The following RABL3 variants were observed in gnomAD, a reference collection of about 807,000 sequenced individuals.
The protein encoded by RABL3 is rab-like protein 3.
Under a neutral mutation model 31.8 loss-of-function variants are expected in RABL3, and 31 were observed. The observed-to-expected ratio is 0.97, with a 90% confidence interval of 0.73 to 1.31. The LOEUF (loss-of-function observed/expected upper bound fraction) is 1.31, where lower values mean the gene tolerates loss of function less well. Ranked by LOEUF, RABL3 falls within the 40% of genes most tolerant of loss-of-function variation. The pLI is 0.00. For missense variants in RABL3, 263 were observed against 279.6 expected (o/e 0.94, Z 0.42); for synonymous variants, 97 against 99.9 (o/e 0.97, Z 0.18).
intron 2 of RABL3, among the ~76,000 whole-genome samples, chr3:120,718,400 T>C (rs1025301804): frequency 6.6e-6 from 1 of 152,158 alleles, no homozygotes; most frequent in Non-Finnish European, 1.5e-5. Flanking sequence ...TATACTCCCC[T>C]CCCTCCTTGT....
intron 1 of RABL3, among the ~76,000 whole-genome samples, chr3:120,739,696 T>C (rs1709019088): frequency 6.6e-6 from 1 of 152,218 alleles, no homozygotes; most frequent in Admixed American, 6.5e-5. Context: ...TATTTGTCAT[T>C]GAATTTACTG....
At chr3:120,704,217 T>C (rs536133368) in intron 4 of RABL3, among the ~76,000 whole-genome samples, 2 of 152,152 alleles carry the variant, frequency 1.3e-5, no homozygotes, top group Admixed American at 6.5e-5. Flanking sequence ...GACCAAGGAA[T>C]GGAAGGCTGG....
chr3:120,731,943 T>C (rs1488423125), intron 1 of RABL3, among the ~76,000 whole-genome samples: 2 of 151,950 alleles, frequency 1.3e-5, no homozygotes, highest in African/African-American at 4.8e-5. Context: ...TCTGTAGTCC[T>C]AGCTACTCAG....
intron 2 of RABL3, among the ~76,000 whole-genome samples, chr3:120,726,784 TA>T (rs903409286): frequency 6.6e-5 from 10 of 150,714 alleles, no homozygotes; most frequent in Admixed American, 2.6e-4. Flanking sequence ...AATAAAACAA[TA>T]AAAAAAACTG....
chr3:120,702,023 A>C (rs1274738370), intron 4 of RABL3, among the ~76,000 whole-genome samples: 1 of 152,194 alleles, frequency 6.6e-6, no homozygotes, highest in African/African-American at 2.4e-5. Context: ...TTAAAACCCA[A>C]AAGTGTGAAC....
chr3:120,742,493 A>C lies in RABL3; in HGVS notation c.15T>G (p.Asp5Glu). 1 of 1,614,160 alleles carries C rather than the reference A, an allele frequency of 6.2e-7. No homozygotes were observed. Among genetic ancestry groups the C allele is most frequent in the South Asian group, 1.1e-5 (1 of 91,080 alleles). MASLDRVKVLVLGDS... is the reference protein window; with the variant it reads MASLERVKVLVLGDS... ...CTCCCAACACCAGTACCTTCACCCG[A>C]TCCAGGGACGCCATCTTGCCACTGC... Residue 5 changes from aspartate to glutamate, a missense_variant, in exon 1 of 8, where the codon GAT (aspartate) becomes GAG (glutamate). Asp to Glu is a conservative substitution (Grantham distance 45). Transcript: ENST00000273375.
intron 4 of RABL3, 80 bp from the exon 5 acceptor site, chr3:120,698,653 A>G: frequency 6.0e-6 from 7 of 1,158,402 alleles, no homozygotes; most frequent in Middle Eastern, 2.1e-4. Flanking sequence ...CAACTAAGTT[A>G]CACTATTTTA....
At chr3:120,702,586 C>G (rs1708504991) in intron 4 of RABL3, among the ~76,000 whole-genome samples, 1 of 149,590 alleles carries the variant, frequency 6.7e-6, no homozygotes, top group South Asian at 2.1e-4. Context: ...GAGACGGAGT[C>G]TCACTCTGTT....
Position 120,733,433 on chromosome 3 carries a change from G to A in RABL3, c.47-2646C>T, listed in dbSNP as rs556985723. Among the ~76,000 whole-genome samples the A allele has an allele frequency of 3.7e-4, 56 of 152,086 alleles. No homozygotes were observed. In the South Asian group the frequency reaches 6.5e-3, roughly 18 times the overall value. On this transcript the variant is annotated intron_variant, in intron 1 of 7. Transcript: ENST00000273375. ...TTGTTTTTTTCTTGTAAATTTGTTG[G>A]AGTTCATTGTAGATTCTGGATATTA...
At chr3:120,736,784 A>G (rs1267092949) in intron 1 of RABL3, among the ~76,000 whole-genome samples, 1 of 152,082 alleles carries the variant, frequency 6.6e-6, no homozygotes, top group Non-Finnish European at 1.5e-5. Context: ...TTTCTCCTTC[A>G]TTTATGAAGC....
At chr3:120,735,513 T>G (rs1487774142) in intron 1 of RABL3, among the ~76,000 whole-genome samples, 2 of 152,232 alleles carry the variant, frequency 1.3e-5, no homozygotes, top group South Asian at 2.1e-4. Flanking sequence ...ATTCATTGAT[T>G]TTTTGAAGGG....
At position 120,709,907 on chromosome 3, in the gene RABL3, A is replaced by T. The variant is rs370545832; in HGVS notation, c.141T>A (p.Val47=). ...WTVGCSVDVR[V]HDYKEGTPEE... ...CTGGGGTTCCTTCTTTGTAATCATG[A>T]ACCTAACAAATCAATCAATTAAAAT... The change falls in exon 3 of 8, where the codon GTT becomes GTA. Residue 47 remains valine (V), a splice_region_variant and synonymous_variant. Coordinates refer to ENST00000273375, the MANE Select transcript of RABL3 (RefSeq NM_173825.5). 2 of 1,588,586 alleles carry T rather than the reference A, an allele frequency of 1.3e-6. No individual in the cohort carries two copies. The highest frequency in any genetic ancestry group is 1.7e-6 in the Non-Finnish European group (2 of 1,167,274).
At chr3:120,707,866 C>T (rs1189844160) in intron 3 of RABL3, among the ~76,000 whole-genome samples, 2 of 151,950 alleles carry the variant, frequency 1.3e-5, no homozygotes, top group Non-Finnish European at 2.9e-5. Flanking sequence ...AGAGTTATTG[C>T]TTTGTAGAAC....
intron 2 of RABL3, among the ~76,000 whole-genome samples, chr3:120,727,227 GGTCTT>G (rs1290821065): frequency 6.6e-6 from 1 of 152,070 alleles, no homozygotes; most frequent in Admixed American, 6.6e-5. Context: ...GGCAGAAACT[GGTCTT>G]TGATGGACCT....
intron 1 of RABL3, among the ~76,000 whole-genome samples, chr3:120,740,356 G>T (rs1190297135): frequency 6.6e-6 from 1 of 151,972 alleles, no homozygotes; most frequent in Non-Finnish European, 1.5e-5. Context: ...CAAATTCCTG[G>T]GCTCAAGTGA....
At chr3:120,703,203 G>A (rs969094098) in intron 4 of RABL3, among the ~76,000 whole-genome samples, 12 of 152,194 alleles carry the variant, frequency 7.9e-5, no homozygotes, top group African/African-American at 2.6e-4. Context: ...GTCACATACC[G>A]GGTGTTGCAC....
intron 4 of RABL3, among the ~76,000 whole-genome samples, chr3:120,698,970 G>A (rs543851373): frequency 4.0e-4 from 61 of 152,290 alleles, no homozygotes; most frequent in African/African-American, 1.4e-3. Flanking sequence ...AAGCCTCATC[G>A]TAGCAAAAAC....
intron 4 of RABL3, 105 bp from the exon 5 acceptor site, chr3:120,698,678 A>AT (rs1708464894): frequency 2.0e-6 from 2 of 988,484 alleles, no homozygotes; most frequent in Non-Finnish European, 1.5e-6. Context: ...AAATTAACTG[A>AT]TTTTTGCTGC....
intron 3 of RABL3, among the ~76,000 whole-genome samples, chr3:120,709,486 GACA>G (rs1221185815): frequency 6.6e-6 from 1 of 151,968 alleles, no homozygotes; most frequent in African/African-American, 2.4e-5. Context: ...AACCCCAGAG[GACA>G]ACATTTTAAG....
Sources: allele counts gnomAD v4.1 joint callset (sites outside exome capture counted in the v4.1 genomes callset), GRCh38; gene constraint gnomAD v4.1.1; transcripts MANE v1.5; gene names NCBI Gene and HGNC (gene_info 2026-07-23, HGNC 2026-07-21).